The following PEPD variants were observed in gnomAD, a reference collection of about 807,000 sequenced individuals.
The protein encoded by PEPD is xaa-Pro dipeptidase.
PEPD carries 53 observed loss-of-function variants against 60.7 expected under a neutral mutation model. The observed-to-expected ratio is 0.87, with a 90% confidence interval of 0.70 to 1.10. The LOEUF is 1.10. PEPD is among the 50% of genes least tolerant of loss of function. The pLI, the probability that PEPD is intolerant of heterozygous loss-of-function variation, is 0.00. For synonymous variants in PEPD, 267 were observed against 284.1 expected (o/e 0.94, Z 0.60); for missense variants, 711 against 711.9 (o/e 1.00, Z 0.01).
chr19:33,408,346 C>A (rs1968685759), intron 11 of PEPD, among the ~76,000 whole-genome samples: 1 of 152,264 alleles, frequency 6.6e-6, no homozygotes, highest in Non-Finnish European at 1.5e-5. Flanking sequence ...GGACACCGGG[C>A]CTGCTGCTCT....
At chr19:33,419,177 T>G (rs914073061) in intron 9 of PEPD, among the ~76,000 whole-genome samples, 2 of 152,068 alleles carry the variant, frequency 1.3e-5, no homozygotes, top group Admixed American at 6.5e-5. Flanking sequence ...CCAGGCTTCT[T>G]GGGCTTGCAT....
At chr19:33,502,890 T>C (rs1269768439) in intron 3 of PEPD, among the ~76,000 whole-genome samples, 1 of 140,416 alleles carries the variant, frequency 7.1e-6, no homozygotes, top group East Asian at 2.1e-4. Flanking sequence ...TCCAATTCTT[T>C]GTTCAAAATG....
intron 3 of PEPD, among the ~76,000 whole-genome samples, chr19:33,508,499 C>T (rs79049357): frequency 5.7e-4 from 87 of 152,336 alleles, no homozygotes; most frequent in African/African-American, 1.9e-3. Flanking sequence ...CTCTGAAGGT[C>T]GGGAATTTGG....
At chr19:33,494,664 G>T (rs1380512612) in intron 4 of PEPD, among the ~76,000 whole-genome samples, 1 of 152,188 alleles carries the variant, frequency 6.6e-6, no homozygotes, top group Non-Finnish European at 1.5e-5. Context: ...CGCTGAAGAC[G>T]GCCTGTGCCA....
intron 6 of PEPD, among the ~76,000 whole-genome samples, chr19:33,481,044 G>T (rs1970305585): frequency 1.3e-5 from 2 of 151,746 alleles, no homozygotes; most frequent in African/African-American, 4.8e-5. Flanking sequence ...AGTAACATAA[G>T]GAAAATAGAA....
chr19:33,406,836 G>C (rs774334315), intron 11 of PEPD, among the ~76,000 whole-genome samples: 2 of 152,124 alleles, frequency 1.3e-5, no homozygotes, highest in African/African-American at 4.8e-5. Flanking sequence ...TCGAGGTCTC[G>C]CCATTATCTA....
intron 9 of PEPD, among the ~76,000 whole-genome samples, chr19:33,449,759 G>A (rs2404194): frequency 3.0e-5 from 1 of 33,576 alleles, no homozygotes; most frequent in African/African-American, 1.6e-4. Context: ...ACCCCAGGCG[G>A]TGTCCCAATG....
At chr19:33,391,558 G>A in intron 12 of PEPD, 79 bp from the exon 13 acceptor site, 1 of 1,294,854 alleles carries the variant, frequency 7.7e-7, no homozygotes, top group Non-Finnish European at 1.1e-6. Context: ...GAGATGTGAA[G>A]CCCTCACACT....
chr19:33,477,793 AG>A (rs1468869556), intron 7 of PEPD, among the ~76,000 whole-genome samples: 2 of 152,228 alleles, frequency 1.3e-5, no homozygotes, highest in Non-Finnish European at 2.9e-5. Context: ...TACTTATGGT[AG>A]GAGTTTTTGT....
intron 1 of PEPD, among the ~76,000 whole-genome samples, chr19:33,517,632 G>C (rs2145363737): frequency 6.6e-6 from 1 of 151,872 alleles, no homozygotes; most frequent in East Asian, 2.0e-4. Context: ...TGATGCCCGT[G>C]GGGTCTACCG....
chr19:33,454,419 T>C, intron 9 of PEPD, among the ~76,000 whole-genome samples: 1 of 152,024 alleles, frequency 6.6e-6, no homozygotes, highest in East Asian at 1.9e-4. Flanking sequence ...CTGGCCAACA[T>C]GGCAAAACCC....
intron 13 of PEPD, among the ~76,000 whole-genome samples, chr19:33,389,613 G>C (rs925606708): frequency 1.2e-4 from 19 of 152,328 alleles, no homozygotes; most frequent in African/African-American, 4.3e-4. Flanking sequence ...GCCTGCCAAC[G>C]TCAGGTTTCC....
chr19:33,402,000 G>A, intron 11 of PEPD, 131 bp from the exon 12 acceptor site: 1 of 833,710 alleles, frequency 1.2e-6, no homozygotes, highest in Non-Finnish European at 2.0e-6. Context: ...CTCACAATGA[G>A]ACCGGTGTGG....
chr19:33,507,008 C>T (rs1202184503), intron 3 of PEPD, among the ~76,000 whole-genome samples: 2 of 151,682 alleles, frequency 1.3e-5, no homozygotes, highest in African/African-American at 4.8e-5. Flanking sequence ...CACCCCTCCA[C>T]ATGCACCACA....
chr19:33,494,249 C>T (rs1970554464), intron 4 of PEPD, among the ~76,000 whole-genome samples: 1 of 152,206 alleles, frequency 6.6e-6, no homozygotes, highest in Non-Finnish European at 1.5e-5. Flanking sequence ...CCTCGCCTCT[C>T]CCCACACCCC....
chr19:33,459,668 G>A (rs892084408), intron 9 of PEPD, among the ~76,000 whole-genome samples: 3 of 130,714 alleles, frequency 2.3e-5, no homozygotes, highest in Non-Finnish European at 3.3e-5. Flanking sequence ...CCATCCGCTC[G>A]CTCACTTTTT....
At chr19:33,387,568 C>G in intron 14 of PEPD, 87 bp from the exon 15 acceptor site, 2 of 1,532,898 alleles carry the variant, frequency 1.3e-6, no homozygotes, top group Non-Finnish European at 1.8e-6. Flanking sequence ...CCCACCCCAC[C>G]ATGGGATGGG....
chr19:33,397,352 G>C (rs1001883029), intron 12 of PEPD, among the ~76,000 whole-genome samples: 1 of 152,030 alleles, frequency 6.6e-6, no homozygotes, highest in African/African-American at 2.4e-5. Context: ...GGATGCAGTC[G>C]GGCAGTCTCG....
At chr19:33,449,420 C>T (rs550609228) in intron 9 of PEPD, among the ~76,000 whole-genome samples, 44 of 152,156 alleles carry the variant, frequency 2.9e-4, no homozygotes, top group Admixed American at 5.2e-4. Context: ...TAAAAAGATC[C>T]ACCAGCCCAT....
Sources: gnomAD v4.1 joint callset for allele counts (sites outside exome capture counted in the v4.1 genomes callset) on GRCh38, gnomAD v4.1.1 for gene constraint, MANE v1.5 for transcripts, NCBI Gene and HGNC (gene_info 2026-07-23, HGNC 2026-07-21) for gene names.